Variants in RFX4 observed in about 807,000 individuals in gnomAD.
RFX4 encodes transcription factor RFX4.
A neutral mutation model predicts 95.0 loss-of-function variants in RFX4; 10 were observed. That is an observed-to-expected ratio of 0.11 (90% CI 0.06 to 0.18). The LOEUF (loss-of-function observed/expected upper bound fraction) is 0.18. RFX4 is among the 10% of genes least tolerant of loss of function. RFX4 has a pLI of 1.00. For missense variants in RFX4, 640 were observed against 922.0 expected (o/e 0.69, Z 3.96); for synonymous variants, 321 against 340.7 (o/e 0.94, Z 0.64).
chr12:106,760,322 C>CT (rs1367640451), intron 17 of RFX4, among the ~76,000 whole-genome samples: 3 of 152,188 alleles, frequency 2.0e-5, no homozygotes. Context: ...TCTGATCCTA[C>CT]TAACGGGCTT....
Position 106,757,815 on chromosome 12 carries a change from T to C in RFX4, c.1936-3382T>C, listed in dbSNP as rs2078857136. ...CTCCATGTGTAGGAAAGTCAGCCCTTGGTGTGGAGAGTCATTTCTCAAAAT... is the reference window on the plus strand; with the variant it reads ...CTCCATGTGTAGGAAAGTCAGCCCTCGGTGTGGAGAGTCATTTCTCAAAAT... On this transcript the variant is annotated intron_variant, in intron 17 of 17. Transcript: ENST00000392842. Among the ~76,000 whole-genome samples the C allele has an allele frequency of 2.6e-5, 4 of 152,160 alleles. No homozygotes were observed. The South Asian group carries it at 8.3e-4, about 32-fold the overall frequency.
chr12:106,592,652 G>A (rs1454863024), intron 1 of RFX4, among the ~76,000 whole-genome samples: 1 of 130,682 alleles, frequency 7.7e-6, no homozygotes, highest in Admixed American at 8.3e-5. Flanking sequence ...ACCCTCTTAT[G>A]TTTTTAGGCA....
chr12:106,752,484 C>T (rs1181438483), intron 17 of RFX4, among the ~76,000 whole-genome samples: 2 of 152,182 alleles, frequency 1.3e-5, no homozygotes, highest in Non-Finnish European at 2.9e-5. Context: ...TTGACCTCTT[C>T]ATGCCAAGAT....
chr12:106,638,552 A>C (rs2040559014), intron 2 of RFX4, among the ~76,000 whole-genome samples: 1 of 152,176 alleles, frequency 6.6e-6, no homozygotes, highest in African/African-American at 2.4e-5. Flanking sequence ...CAAATGGTGA[A>C]TAGCTTAGTC....
At chr12:106,707,950 T>A (rs747901454) in intron 8 of RFX4, among the ~76,000 whole-genome samples, 12 of 152,168 alleles carry the variant, frequency 7.9e-5, no homozygotes, top group Admixed American at 7.9e-4. Flanking sequence ...CTGGCCAACA[T>A]GGCGAAAGCC....
At position 106,689,343 on chromosome 12, in the gene RFX4, A is replaced by G. The variant is rs1442378268; in HGVS notation, c.648A>G (p.Val216=). Residue 216 remains valine, a synonymous_variant, in exon 7 of 18, where the codon GTA becomes GTG. Coordinates refer to ENST00000392842, the MANE Select transcript of RFX4 (RefSeq NM_213594.3). ...ACTGTCAGAGAATACTGGACACTGTAATAAGAGCCAACTTTGATGAGGTAG... is the reference window on the plus strand; with the variant it reads ...ACTGTCAGAGAATACTGGACACTGTGATAAGAGCCAACTTTGATGAGGTAG... The part of the protein sequence containing the change: ...RTHCQRILDT[V]IRANFDEVQS... 1 of 1,613,632 alleles carries G rather than the reference A, an allele frequency of 6.2e-7. No homozygotes were observed. Among genetic ancestry groups the G allele is most frequent in the African/African-American group, 1.3e-5 (1 of 74,926 alleles).
chr12:106,756,721 G>A (rs2043114553), intron 17 of RFX4, among the ~76,000 whole-genome samples: 1 of 152,152 alleles, frequency 6.6e-6, no homozygotes, highest in Non-Finnish European at 1.5e-5. Flanking sequence ...TTACAGGGTT[G>A]CAGTGAGGGT....
chr12:106,681,775 C>T (rs1011582860), intron 4 of RFX4, among the ~76,000 whole-genome samples: 2 of 152,226 alleles, frequency 1.3e-5, no homozygotes, highest in South Asian at 2.1e-4. Flanking sequence ...CATAGAGTGG[C>T]CAAGTGAGAC....
intron 17 of RFX4, among the ~76,000 whole-genome samples, chr12:106,757,429 T>TC (rs1456791761): frequency 6.6e-6 from 1 of 151,686 alleles, no homozygotes; most frequent in Non-Finnish European, 1.5e-5. Flanking sequence ...ATACCTGTAG[T>TC]CCCAGCTACT....
intron 13 of RFX4, among the ~76,000 whole-genome samples, chr12:106,723,533 C>T (rs1199632345): frequency 1.3e-5 from 2 of 152,160 alleles, no homozygotes; most frequent in East Asian, 1.9e-4. Flanking sequence ...CTGGGTGTGA[C>T]AGCTGAGGGG....
Position 106,618,194 on chromosome 12 carries a change from A to ATATGTATATAGAT in RFX4, c.130+9315_130+9327dup, listed in dbSNP as rs2040111472. 2.0e-5 allele frequency among the ~76,000 whole-genome samples: 3 copies of ATATGTATATAGAT among 151,730 alleles called. No homozygotes were observed. The South Asian group carries it at 6.2e-4, about 31-fold the overall frequency. Reference sequence around the variant, plus strand: ...TTAACATACGTTATAGATTATATACATATGTATATAGATTATATACATAGA... The same window carrying ATATGTATATAGAT: ...TTAACATACGTTATAGATTATATACATATGTATATAGATTATGTATATAGATTATATACATAGA... On this transcript the variant is annotated intron_variant, in intron 2 of 17. Transcript: ENST00000392842.
intron 17 of RFX4, among the ~76,000 whole-genome samples, chr12:106,751,039 ACTCCTCATCTAGCATTAGGTATAT>A (rs1310773608): frequency 6.7e-6 from 1 of 148,304 alleles, no homozygotes; most frequent in Non-Finnish European, 1.5e-5. Flanking sequence ...GCACCCACTA[ACTCCTCATCTAGCATTAGGTATAT>A]CTCCCAATGC....
intron 2 of RFX4, among the ~76,000 whole-genome samples, chr12:106,618,730 A>C (rs2040123500): frequency 6.6e-6 from 1 of 152,154 alleles, no homozygotes. Flanking sequence ...GACCATTTAA[A>C]TTTAATATTG....
At chr12:106,722,485 T>G (rs1226084594) in intron 13 of RFX4, among the ~76,000 whole-genome samples, 1 of 152,212 alleles carries the variant, frequency 6.6e-6, no homozygotes, top group Non-Finnish European at 1.5e-5. Context: ...AGCAGGAGAA[T>G]GATTAGGCTT....
chr12:106,707,353 C>A (rs1261699661), intron 8 of RFX4, among the ~76,000 whole-genome samples: 3 of 152,014 alleles, frequency 2.0e-5, no homozygotes, highest in African/African-American at 7.3e-5. Flanking sequence ...GGGAATTTCG[C>A]AGATTCAGTG....
intron 1 of RFX4, among the ~76,000 whole-genome samples, chr12:106,598,124 C>T (rs1020636535): frequency 1.3e-5 from 2 of 152,070 alleles, no homozygotes; most frequent in Admixed American, 6.6e-5. Context: ...TGATTCATTG[C>T]GCTAGTAAGT....
At chr12:106,697,473 G>A (rs1227315459) in intron 8 of RFX4, among the ~76,000 whole-genome samples, 1 of 149,506 alleles carries the variant, frequency 6.7e-6, no homozygotes, top group South Asian at 2.1e-4. Context: ...ATGGTGAAGT[G>A]CATTAGTTTC....
chr12:106,618,782 A>AT (rs1437905174), intron 2 of RFX4, among the ~76,000 whole-genome samples: 1 of 151,994 alleles, frequency 6.6e-6, no homozygotes, highest in Non-Finnish European at 1.5e-5. Flanking sequence ...CTTACTATTT[A>AT]TTTTTTATTT....
intron 1 of RFX4, among the ~76,000 whole-genome samples, chr12:106,599,537 C>T (rs947571203): frequency 4.0e-5 from 6 of 151,886 alleles, no homozygotes; most frequent in Non-Finnish European, 7.4e-5. Context: ...GTTGGGAAGC[C>T]ATATTCCAGG....
Sources: gnomAD v4.1 joint callset for allele counts (sites outside exome capture counted in the v4.1 genomes callset) on GRCh38, gnomAD v4.1.1 for gene constraint, MANE v1.5 for transcripts, NCBI Gene and HGNC (gene_info 2026-07-23, HGNC 2026-07-21) for gene names.